The following ATP10A variants were observed in gnomAD, a reference collection of about 807,000 sequenced individuals.
ATP10A encodes the protein phospholipid-transporting ATPase VA.
Under a neutral mutation model 147.8 loss-of-function variants are expected in ATP10A, and 111 were observed. That is an observed-to-expected ratio of 0.75 (90% CI 0.64 to 0.88). The LOEUF is 0.88. ATP10A is among the 40% of genes least tolerant of loss of function. The pLI, the probability that ATP10A is intolerant of heterozygous loss-of-function variation, is 0.00. For synonymous variants in ATP10A, 875 were observed against 841.6 expected (o/e 1.04, Z -0.69); for missense variants, 1,927 against 1,959.0 (o/e 0.98, Z 0.31).
chr15:25,774,582 G>GA (rs201795381), intron 2 of ATP10A, among the ~76,000 whole-genome samples: 22 of 141,826 alleles, frequency 1.6e-4, no homozygotes, highest in Non-Finnish European at 2.3e-4. Flanking sequence ...GTCTCAAAAA[G>GA]AAAAAAAAAA....
At chr15:25,810,745 T>G (rs1390035283) in intron 1 of ATP10A, among the ~76,000 whole-genome samples, 2 of 151,928 alleles carry the variant, frequency 1.3e-5, no homozygotes, top group East Asian at 3.9e-4. Flanking sequence ...AGTAAAAGCC[T>G]CCCACGGAAA....
intron 2 of ATP10A, among the ~76,000 whole-genome samples, chr15:25,744,999 A>G (rs1887768145): frequency 6.6e-6 from 1 of 152,228 alleles, no homozygotes; most frequent in Non-Finnish European, 1.5e-5. Context: ...ACATGACACT[A>G]AAATGATGAA....
At chr15:25,736,220 C>T (rs7177724) in intron 2 of ATP10A, 79 bp from the exon 3 acceptor site, 967,881 of 1,215,714 alleles carry the variant, frequency 0.8, 393,614 homozygotes, top group Non-Finnish European at 0.85. Flanking sequence ...TTTTCTGTCT[C>T]GCATCCGCGG....
chr15:25,843,196 T>C (rs1892881906), intron 1 of ATP10A, among the ~76,000 whole-genome samples: 1 of 151,484 alleles, frequency 6.6e-6, no homozygotes, highest in Non-Finnish European at 1.5e-5. Context: ...CCATGAACCC[T>C]AGGAGACGCA....
intron 1 of ATP10A, among the ~76,000 whole-genome samples, chr15:25,824,557 G>T (rs1892030175): frequency 7.2e-6 from 1 of 139,256 alleles, no homozygotes; most frequent in Non-Finnish European, 1.5e-5. Context: ...CTTTTTGTGT[G>T]TGTTTTTTTT....
chr15:25,766,325 T>A (rs973483628), intron 2 of ATP10A, among the ~76,000 whole-genome samples: 1 of 151,808 alleles, frequency 6.6e-6, no homozygotes, highest in African/African-American at 2.4e-5. Context: ...CCCAGAGAGG[T>A]CAAATGATGT....
At chr15:25,674,157 A>G (rs1197046551), downstream of ATP10A, among the ~76,000 whole-genome samples, 2 of 152,192 alleles carry the variant, frequency 1.3e-5, no homozygotes, top group Non-Finnish European at 2.9e-5. Flanking sequence ...ACGCCCCTGC[A>G]GGGTTGGAGG....
chr15:25,834,945 G>A (rs1351587168), intron 1 of ATP10A, among the ~76,000 whole-genome samples: 1 of 152,116 alleles, frequency 6.6e-6, no homozygotes, highest in Non-Finnish European at 1.5e-5. Flanking sequence ...GACAGCTAAG[G>A]AATATGGGGC....
In ATP10A at chr15:25,695,025, G is replaced by A. The variant is rs929694713; in HGVS notation, c.2882C>T (p.Ser961Phe). ...TCTGCGGCCAGAGGCAGTGGACGTG[G>A]AGGGTGGGCAGAGAGAGGAGAACCT... Reference protein sequence around the residue: ...SMRFSSLCPPSTSTASGRRPS... With the variant: ...SMRFSSLCPPFTSTASGRRPS... The change falls in exon 14 of 21, where the codon TCC (serine) becomes TTC (phenylalanine). Residue 961 changes from serine to phenylalanine, a missense_variant. Transcript: ENST00000555815. 2 of 1,614,094 alleles carry A rather than the reference G, an allele frequency of 1.2e-6. No homozygotes were observed. The highest frequency in any genetic ancestry group is 2.7e-5 in the African/African-American group (2 of 74,936).
chr15:25,718,397 GC>G lies in ATP10A; in HGVS notation c.1365del (p.Gln456SerfsTer86). On this transcript the variant is annotated frameshift_variant and splice_region_variant, in exon 8 of 21. Coordinates refer to ENST00000555815, the MANE Select transcript of ATP10A (RefSeq NM_024490.4). LOFTEE classifies it high-confidence loss of function. Reference sequence around the variant, plus strand: ...GCCTCTTGGTACCTGGCCAGACGCTGCGCTGCGGGGAGAGGGCGCAGGGTGA... The same window carrying G: ...GCCTCTTGGTACCTGGCCAGACGCTGGCTGCGGGGAGAGGGCGCAGGGTGA... ...SGVEYSHDAN[A>X]QRLARYQEAD... 6.3e-7 allele frequency: 1 copy of G among 1,592,874 alleles called. No homozygotes were observed. Among genetic ancestry groups the G allele is most frequent in the Non-Finnish European group, 8.5e-7 (1 of 1,172,910 alleles).
chr15:25,833,022 G>A (rs1487252497), intron 1 of ATP10A, among the ~76,000 whole-genome samples: 9 of 110,358 alleles, frequency 8.2e-5, no homozygotes, highest in Non-Finnish European at 1.6e-4. Context: ...TCACTCTGTT[G>A]CCCAGGTTGG....
At chr15:25,700,945 C>A (rs1299163614) in intron 13 of ATP10A, among the ~76,000 whole-genome samples, 1 of 150,734 alleles carries the variant, frequency 6.6e-6, no homozygotes, top group East Asian at 1.9e-4. Flanking sequence ...AAAAAAAGGC[C>A]CTGGTGAAGG....
At position 25,702,104 on chromosome 15, in the gene ATP10A, G is replaced by C. The variant is rs1231066948; in HGVS notation, c.2576-4C>G. ...CGGTCTTCAATCCCAGTGGCACCTG[G>C]TCAAATGCACAGCAGTGTGAGCGAA... On this transcript the variant is annotated splice_region_variant and splice_polypyrimidine_tract_variant and intron_variant, in intron 12 of 20. Transcript: ENST00000555815. The C allele has an allele frequency of 6.2e-7, 1 of 1,609,492 alleles. No individual in the cohort carries two copies. Among genetic ancestry groups the C allele is most frequent in the Non-Finnish European group, 8.5e-7 (1 of 1,177,730 alleles).
At chr15:25,731,186 T>A (rs965468859) in intron 3 of ATP10A, among the ~76,000 whole-genome samples, 2 of 152,150 alleles carry the variant, frequency 1.3e-5, no homozygotes, top group Non-Finnish European at 2.9e-5. Flanking sequence ...TGTAGGAGGC[T>A]CTCCAGGTCA....
chr15:25,701,780 C>A, intron 13 of ATP10A, 136 bp downstream of exon 13: 1 of 812,124 alleles, frequency 1.2e-6, no homozygotes, highest in Non-Finnish European at 1.9e-6. Flanking sequence ...CAATAACATG[C>A]ACATCCTAAA....
At chr15:25,737,267 C>T (rs78733235) in intron 2 of ATP10A, among the ~76,000 whole-genome samples, 2 of 152,166 alleles carry the variant, frequency 1.3e-5, no homozygotes, top group East Asian at 3.9e-4. Flanking sequence ...TTATTTAAAG[C>T]CTGTGGATTA....
chr15:25,700,153 A>G (rs1275604680), intron 13 of ATP10A, among the ~76,000 whole-genome samples: 1 of 152,232 alleles, frequency 6.6e-6, no homozygotes, highest in East Asian at 1.9e-4. Flanking sequence ...ATTAGACACT[A>G]GTGAAATGCA....
chr15:25,763,949 C>A (rs1406269603), intron 2 of ATP10A, among the ~76,000 whole-genome samples: 1 of 152,156 alleles, frequency 6.6e-6, no homozygotes, highest in African/African-American at 2.4e-5. Flanking sequence ...TCAACTATGT[C>A]AGGAAAGCAA....
Position 25,764,653 on chromosome 15 carries a change from T to C in ATP10A, c.654+16366A>G, listed in dbSNP as rs566972755. ...AGCTTCCAGAACTGTCAGAAATAAA[T>C]GTCTATTATTTATACGTGACCCAGT... On this transcript the variant is annotated intron_variant, in intron 2 of 20. Coordinates refer to ENST00000555815, the MANE Select transcript of ATP10A (RefSeq NM_024490.4). Among the ~76,000 whole-genome samples, 12 of 152,328 alleles carry C rather than the reference T, an allele frequency of 7.9e-5. No individual in the cohort carries two copies. In the South Asian group the frequency reaches 1.9e-3, roughly 24 times the overall value.
Sources: gnomAD v4.1 joint callset for allele counts (sites outside exome capture counted in the v4.1 genomes callset) on GRCh38, gnomAD v4.1.1 for gene constraint, MANE v1.5 for transcripts, NCBI Gene and HGNC (gene_info 2026-07-23, HGNC 2026-07-21) for gene names.